Variants in TMED5 observed in about 807,000 individuals in gnomAD.
TMED5 encodes the protein transmembrane p24 trafficking protein 5.
Under a neutral mutation model 23.0 loss-of-function variants are expected in TMED5, and 27 were observed. That is an observed-to-expected ratio of 1.17 (90% CI 0.86 to 1.62). The LOEUF (loss-of-function observed/expected upper bound fraction) is 1.62, where lower values mean the gene tolerates loss of function less well. Among genes scored for constraint, TMED5 ranks in the 40% most tolerant of loss-of-function variants. TMED5 has a pLI of 0.00. For missense variants in TMED5, 248 were observed against 273.7 expected, an observed-to-expected ratio of 0.91 and a Z score of 0.66; for synonymous variants, 97 against 100.8, an observed-to-expected ratio of 0.96 and a Z score of 0.23.
Position 93,152,441 on chromosome 1 carries a change from T to C in TMED5, c.*2229A>G, listed in dbSNP as rs954522539. The C allele has an allele frequency of 6.6e-6, 1 of 152,238 alleles. No homozygotes were observed. Among genetic ancestry groups the C allele is most frequent in the Non-Finnish European group, 1.5e-5 (1 of 68,012 alleles). The allele number at this position is 152,238 out of a possible 1,614,324, so 9.4% of individuals were successfully genotyped here. A position where few individuals can be genotyped will look rare whatever the true frequency, so the allele number is the denominator to read the frequency against. On this transcript the variant is annotated 3_prime_UTR_variant, in exon 4 of 4. Coordinates refer to ENST00000370282, the MANE Select transcript of TMED5 (RefSeq NM_016040.5). The stretch of plus-strand genomic sequence containing the variant: ...AAATATTAAAGATTTTTACTCTGTT[T>C]ACAAGTTTTGCTTTTTTGGTTATGC...
At chr1:93,154,957 G>T in intron 3 of TMED5, 69 bp from the exon 4 acceptor site, 1 of 1,155,520 alleles carries the variant, frequency 8.7e-7, no homozygotes, top group South Asian at 1.5e-5. Flanking sequence ...AAAAAATGAG[G>T]CTGGGTGCAG....
intron 1 of TMED5, chr1:93,161,545 A>G (rs1424704592): frequency 6.6e-6 from 1 of 152,214 alleles, no homozygotes; most frequent in Non-Finnish European, 1.5e-5. Flanking sequence ...TTTATATCCT[A>G]CTGCTCAAGG....
At chr1:93,169,920 A>ACACACAC (rs1553159711) in intron 1 of TMED5, among the ~76,000 whole-genome samples, 28 of 39,294 alleles carry the variant, frequency 7.1e-4, no homozygotes, top group South Asian at 4.3e-3. Flanking sequence ...CACACACACA[A>ACACACAC]AATTAGGCAG....
intron 1 of TMED5, chr1:93,162,447 A>AT (rs1443990902): frequency 2.0e-5 from 3 of 152,334 alleles, no homozygotes; most frequent in Admixed American, 2.0e-4. Context: ...AAATAAAAAA[A>AT]TGAGCCAGCC....
chr1:93,156,524 CTA>C, intron 2 of TMED5, 41 bp from the exon 3 acceptor site: 1 of 1,526,314 alleles, frequency 6.6e-7, no homozygotes, highest in African/African-American at 1.4e-5. Flanking sequence ...ACCTGTATTT[CTA>C]TTTGTGATGA....
In TMED5 at chr1:93,154,673, A is replaced by C. The variant is rs1413612956; in HGVS notation, c.687T>G (p.Thr229=). Residue 229 remains threonine (T), a synonymous_variant, in exon 4 of 4, where the codon ACT becomes ACG. Transcript: ENST00000370282. ...SLFEDKRKSR[T] ...TTACGTACTCTAGTTTGGAGTTTTA[A>C]GTTCTACTTTTCCTCTTATCTTCAA... The C allele has an allele frequency of 6.2e-7, 1 of 1,611,262 alleles. No homozygotes were observed. The highest frequency in any genetic ancestry group is 1.7e-5 in the Admixed American group (1 of 59,960).
chr1:93,179,923 G>A, intron 1 of TMED5, 131 bp downstream of exon 1: 1 of 1,000,214 alleles, frequency 1.0e-6, no homozygotes, highest in Non-Finnish European at 1.4e-6. Flanking sequence ...GCGCGGAGCG[G>A]GCTGGCTTCC....
chr1:93,153,119 GT>G lies in TMED5; in HGVS notation c.*1550del. On this transcript the variant is annotated 3_prime_UTR_variant, in exon 4 of 4. Coordinates refer to ENST00000370282, the MANE Select transcript of TMED5 (RefSeq NM_016040.5). ...GTTCTATACCCCAAATTTTAAGTTT[GT>G]TTCTAACTCACAATGTAGTCATAAA... 1 of 152,538 alleles carries G rather than the reference GT, an allele frequency of 6.6e-6. No individual in the cohort carries two copies. Among genetic ancestry groups the G allele is most frequent in the South Asian group, 2.1e-4 (1 of 4,822 alleles). The allele number at this position is 152,538 out of a possible 1,614,324, so 9.4% of individuals were successfully genotyped here.
chr1:93,168,188 G>A (rs1380922996), intron 1 of TMED5, among the ~76,000 whole-genome samples: 1 of 152,086 alleles, frequency 6.6e-6, no homozygotes, highest in Non-Finnish European at 1.5e-5. Context: ...TATATAAAAT[G>A]TTCAGTAAAA....
intron 1 of TMED5, chr1:93,162,156 A>G (rs912310888): frequency 2.0e-5 from 3 of 150,812 alleles, no homozygotes; most frequent in Non-Finnish European, 3.0e-5. Context: ...ACTCCATTTT[A>G]TTTTTCATGG....
intron 1 of TMED5, among the ~76,000 whole-genome samples, chr1:93,171,594 G>A (rs1368234288): frequency 6.6e-6 from 1 of 152,112 alleles, no homozygotes; most frequent in East Asian, 1.9e-4. Flanking sequence ...AAAGGACCAG[G>A]ACCAGACAGT....
In TMED5 at chr1:93,149,816, G is replaced by A. The variant is rs1354793446; in HGVS notation, c.*4854C>T. 1 of 152,094 alleles carries A rather than the reference G, an allele frequency of 6.6e-6. No homozygotes were observed. Among genetic ancestry groups the A allele is most frequent in the Non-Finnish European group, 1.5e-5 (1 of 68,016 alleles). 9.4% of individuals were successfully genotyped at this position (152,094 alleles called of 1,614,324 possible). A position where few individuals can be genotyped will look rare whatever the true frequency, so the allele number is the denominator to read the frequency against. ...TGTTAGCTATTGTTAATCTCTTAAT[G>A]TGCCTAATTACAAATTAAACTTGAT... On this transcript the variant is annotated 3_prime_UTR_variant, in exon 4 of 4. Coordinates refer to ENST00000370282, the MANE Select transcript of TMED5 (RefSeq NM_016040.5).
At position 93,153,465 on chromosome 1, in the gene TMED5, A is replaced by G. The variant is rs996609040; in HGVS notation, c.*1205T>C. Reference sequence around the variant, plus strand: ...TTATAAAATGTACCTGCTTACAAAAATAATTCAAACCAGAATTCTTGTAGA... The same window carrying G: ...TTATAAAATGTACCTGCTTACAAAAGTAATTCAAACCAGAATTCTTGTAGA... On this transcript the variant is annotated 3_prime_UTR_variant, in exon 4 of 4. Transcript: ENST00000370282. The G allele has an allele frequency of 1.3e-5, 2 of 152,188 alleles. No homozygotes were observed. The highest frequency in any genetic ancestry group is 1.3e-4 in the Admixed American group (2 of 15,284). 9.4% of individuals were successfully genotyped at this position (152,188 alleles called of 1,614,324 possible).
In TMED5 at chr1:93,180,275, G is replaced by T. The variant is rs766063042; in HGVS notation, c.-33C>A. On this transcript the variant is annotated 5_prime_UTR_variant, in exon 1 of 4. Coordinates refer to ENST00000370282, the MANE Select transcript of TMED5 (RefSeq NM_016040.5). ...GGGGCGATCCCGGGCTGAAAGAGGC[G>T]TCAGGTACTGTTGTCTCCGCTCCGC... is the stretch of plus-strand genomic sequence containing the variant. 3 of 1,580,628 alleles carry T rather than the reference G, an allele frequency of 1.9e-6. No individual in the cohort carries two copies. The highest frequency in any genetic ancestry group is 2.6e-6 in the Non-Finnish European group (3 of 1,166,870).
chr1:93,155,646 T>C (rs1648047701), intron 3 of TMED5, among the ~76,000 whole-genome samples: 2 of 151,850 alleles, frequency 1.3e-5, no homozygotes, highest in South Asian at 4.2e-4. Context: ...GATGGGGTCT[T>C]GCTATATTGG....
intron 1 of TMED5, among the ~76,000 whole-genome samples, chr1:93,166,386 T>G (rs188431761): frequency 3.0e-4 from 45 of 152,332 alleles, no homozygotes; most frequent in Non-Finnish European, 5.3e-4. Context: ...CCACCAACAG[T>G]GTATGAGGGT....
intron 1 of TMED5, among the ~76,000 whole-genome samples, chr1:93,163,908 G>A (rs1296195797): frequency 2.6e-5 from 4 of 151,212 alleles, no homozygotes; most frequent in Non-Finnish European, 5.9e-5. Context: ...GCTTGAGCCC[G>A]GGAGGCAGAG....
At position 93,154,720 on chromosome 1, in the gene TMED5, C is replaced by G. The variant is rs1187406117; in HGVS notation, c.640G>C (p.Val214Leu). 3 of 1,613,904 alleles carry G rather than the reference C, an allele frequency of 1.9e-6. No homozygotes were observed. In the African/African-American group the frequency reaches 4.0e-5, roughly 22 times the overall value. ...VVMVVVSAIQVYMLKSLFEDK... is the reference protein window; with the variant it reads ...VVMVVVSAIQLYMLKSLFEDK... ...TCAAACAGACTCTTCAGCATATAAA[C>G]TTGAATGGCTGACACCACCACCATG... Residue 214 changes from valine to leucine, a missense_variant, in exon 4 of 4, where the codon GTT becomes CTT. By Grantham distance (32) the Val-to-Leu change is conservative. Transcript: ENST00000370282.
intron 1 of TMED5, among the ~76,000 whole-genome samples, chr1:93,173,773 A>T (rs1157089432): frequency 1.3e-5 from 2 of 152,152 alleles, no homozygotes; most frequent in East Asian, 3.8e-4. Flanking sequence ...TTAAAAACTG[A>T]TTTGGTTTGT....
Sources: gnomAD v4.1 joint callset for allele counts (sites outside exome capture counted in the v4.1 genomes callset) on GRCh38, gnomAD v4.1.1 for gene constraint, MANE v1.5 for transcripts, NCBI Gene and HGNC (gene_info 2026-07-23, HGNC 2026-07-21) for gene names.